MIB1: variants seen among roughly 807,000 people sequenced by gnomAD.
The protein encoded by MIB1 is MIB E3 ubiquitin protein ligase 1.
A neutral mutation model predicts 124.5 loss-of-function variants in MIB1; 278 were observed. The observed-to-expected ratio is 2.23, with a 90% confidence interval of 2.02 to 2.47. The LOEUF (loss-of-function observed/expected upper bound fraction) is 2.47, where lower values mean the gene tolerates loss of function less well. Among genes scored for constraint, MIB1 ranks in the 30% most tolerant of loss-of-function variants. The pLI is 0.00. For synonymous variants in MIB1, 446 were observed against 429.4 expected (o/e 1.04, Z -0.48); for missense variants, 957 against 1,254.4 (o/e 0.76, Z 3.58).
At chr18:21,795,415 T>TAA (rs1229689269) in intron 7 of MIB1, among the ~76,000 whole-genome samples, 1 of 146,204 alleles carries the variant, frequency 6.8e-6, no homozygotes, top group Non-Finnish European at 1.5e-5. Context: ...CACATATATA[T>TAA]AATATATAAT....
intron 12 of MIB1, among the ~76,000 whole-genome samples, chr18:21,824,679 A>C (rs375387967): frequency 1.3e-5 from 2 of 152,156 alleles, no homozygotes; most frequent in African/African-American, 4.8e-5. Flanking sequence ...CCTTTTGCCC[A>C]CAGTCTTTTA....
chr18:21,732,309 C>A (rs1346140375), intron 1 of MIB1, among the ~76,000 whole-genome samples: 9 of 150,658 alleles, frequency 6.0e-5, no homozygotes, highest in Non-Finnish European at 4.4e-5. Context: ...GCCTGGGCAA[C>A]AGCGTAAGCC....
chr18:21,780,964 A>G (rs1479837142), intron 6 of MIB1, among the ~76,000 whole-genome samples: 1 of 152,226 alleles, frequency 6.6e-6, no homozygotes, highest in African/African-American at 2.4e-5. Context: ...ACTGTTTCTC[A>G]TAGTGGCTGT....
chr18:21,791,307 T>C, intron 6 of MIB1, 67 bp from the exon 7 acceptor site: 1 of 1,347,224 alleles, frequency 7.4e-7, no homozygotes, highest in Non-Finnish European at 1.0e-6. Context: ...TGATCTTCAC[T>C]GTTTAAGAAT....
At chr18:21,804,391 T>C (rs1043756704) in intron 10 of MIB1, among the ~76,000 whole-genome samples, 23 of 152,254 alleles carry the variant, frequency 1.5e-4, no homozygotes, top group African/African-American at 5.3e-4. Context: ...TTTTTTGTTG[T>C]TGTTTTGTCA....
At chr18:21,818,182 G>C (rs2041847619) in intron 11 of MIB1, among the ~76,000 whole-genome samples, 1 of 152,116 alleles carries the variant, frequency 6.6e-6, no homozygotes, top group South Asian at 2.1e-4. Flanking sequence ...TTCATCTGTG[G>C]AGCTTTGAAA....
At chr18:21,855,950 G>T (rs1434302019) in intron 18 of MIB1, among the ~76,000 whole-genome samples, 1 of 152,198 alleles carries the variant, frequency 6.6e-6, no homozygotes, top group East Asian at 1.9e-4. Context: ...TCATAACAGG[G>T]CCGGGCGCGG....
intron 9 of MIB1, among the ~76,000 whole-genome samples, chr18:21,800,241 T>C: frequency 6.6e-6 from 1 of 152,004 alleles, no homozygotes; most frequent in Non-Finnish European, 1.5e-5. Flanking sequence ...TTTGGGAAAT[T>C]CAGCGATTTT....
chr18:21,771,335 T>A (rs961792892), intron 3 of MIB1, among the ~76,000 whole-genome samples: 1 of 152,220 alleles, frequency 6.6e-6, no homozygotes, highest in Admixed American at 6.5e-5. Context: ...TTAAAGTAAA[T>A]TTGATTTAAA....
chr18:21,741,577 G>A lies in MIB1; in HGVS notation c.-7G>A. 1 of 1,465,144 alleles carries A rather than the reference G, an allele frequency of 6.8e-7. No individual in the cohort carries two copies. 90.8% of individuals were successfully genotyped at this position (1,465,144 alleles called of 1,614,324 possible). Reference sequence around the variant, plus strand: ...CGGCAGCGGCGGAGCCCACCGCCCGGGCCCCGATGAGTAACTCCCGGAATA... The same window carrying A: ...CGGCAGCGGCGGAGCCCACCGCCCGAGCCCCGATGAGTAACTCCCGGAATA... On this transcript the variant is annotated 5_prime_UTR_variant, in exon 1 of 21. Transcript: ENST00000261537. This position sits in a 1 kb window ranked among gnomAD's most constrained non-coding sequence, Gnocchi z 5.4.
Position 21,741,848 on chromosome 18 carries a change from C to A in MIB1, c.229+36C>A, listed in dbSNP as rs746686390. ...GCCACCTGGCCAGGGCTTGCGCGCGCGGGGGGAAGGGGCGAGCTGCGGTGG... is the reference window on the plus strand; with the variant it reads ...GCCACCTGGCCAGGGCTTGCGCGCGAGGGGGGAAGGGGCGAGCTGCGGTGG... On this transcript the variant is annotated intron_variant, in intron 1 of 20. Coordinates refer to ENST00000261537, the MANE Select transcript of MIB1 (RefSeq NM_020774.4). The surrounding 1 kb of genome is among the most constrained non-coding windows in gnomAD (Gnocchi z 5.4). 6.6e-7 allele frequency: 1 copy of A among 1,520,152 alleles called. No homozygotes were observed. The highest frequency in any genetic ancestry group is 8.9e-7 in the Non-Finnish European group (1 of 1,129,010). The allele number at this position is 1,520,152 out of a possible 1,614,324, so 94.2% of individuals were successfully genotyped here.
rs1215788921 is a variant in MIB1, at chr18:21,815,731, C to T, written c.1595C>T (p.Thr532Ile). ...AATGCTCGAAACAAGCGCCGACAGACACCACTTCATATTGCTGTCAATAAA... is the reference window on the plus strand; with the variant it reads ...AATGCTCGAAACAAGCGCCGACAGATACCACTTCATATTGCTGTCAATAAA... The part of the protein sequence containing the change: ...DLNARNKRRQ[T>I]PLHIAVNKGH... Residue 532 changes from threonine (T) to isoleucine (I), a missense_variant, in exon 11 of 21, where the codon ACA becomes ATA. Thr to Ile is a moderately conservative substitution (Grantham distance 89, BLOSUM62 -1). Coordinates refer to ENST00000261537, the MANE Select transcript of MIB1 (RefSeq NM_020774.4). 1 of 1,614,030 alleles carries T rather than the reference C, an allele frequency of 6.2e-7. No individual in the cohort carries two copies. The highest frequency in any genetic ancestry group is 8.5e-7 in the Non-Finnish European group (1 of 1,180,020).
chr18:21,721,159 G>GTTTGTTTTTTTTTTTT, intron 1 of MIB1, among the ~76,000 whole-genome samples: 1 of 29,766 alleles, frequency 3.4e-5, no homozygotes, highest in Middle Eastern at 0.042. Context: ...TTTTAAAGAA[G>GTTTGTTTTTTTTTTTT]TTTTTTTTTT....
chr18:21,766,033 A>G (rs531985535), intron 2 of MIB1, 90 bp downstream of exon 2: 1 of 1,231,334 alleles, frequency 8.1e-7, no homozygotes, highest in Non-Finnish European at 1.2e-6. Context: ...ATTAGCAAAT[A>G]GCTTCTGACA....
chr18:21,777,416 CAAA>C (rs1479672162), intron 4 of MIB1, among the ~76,000 whole-genome samples: 1 of 151,994 alleles, frequency 6.6e-6, no homozygotes, highest in South Asian at 2.1e-4. Flanking sequence ...CACACACACA[CAAA>C]AAAGAATGTG....
At chr18:21,817,126 T>C (rs2065620819) in intron 11 of MIB1, among the ~76,000 whole-genome samples, 1 of 150,036 alleles carries the variant, frequency 6.7e-6, no homozygotes, top group East Asian at 2.0e-4. Context: ...AGATGGTAGA[T>C]GGTTGGATTG....
intron 4 of MIB1, 138 bp from the exon 5 acceptor site, chr18:21,777,965 T>G (rs1466192084): frequency 1.5e-5 from 9 of 607,858 alleles, no homozygotes. Flanking sequence ...TTGAAAGCAG[T>G]GTTTAGTGTG....
intron 6 of MIB1, among the ~76,000 whole-genome samples, chr18:21,787,684 T>C (rs1187442181): frequency 1.3e-5 from 2 of 152,028 alleles, no homozygotes; most frequent in Non-Finnish European, 2.9e-5. Context: ...TTTTCATGTC[T>C]CTGGCCCCAG....
rs2040853423 is a variant in MIB1 at position 21,741,652 on chromosome 18, C to T, written c.69C>T (p.Asp23=). 6.2e-7 allele frequency: 1 copy of T among 1,610,722 alleles called. No individual in the cohort carries two copies. Among genetic ancestry groups the T allele is most frequent in the East Asian group, 2.2e-5 (1 of 44,546 alleles). The part of the protein sequence containing the change: ...GVGARVVRGP[D]WKWGKQDGGE... ...GCGCTCGGGTAGTGCGCGGCCCGGA[C>T]TGGAAGTGGGGGAAGCAGGACGGCG... The change falls in exon 1 of 21, where the codon GAC becomes GAT. Residue 23 remains aspartate, a synonymous_variant. Coordinates refer to ENST00000261537, the MANE Select transcript of MIB1 (RefSeq NM_020774.4). This position sits in a 1 kb window ranked among gnomAD's most constrained non-coding sequence, Gnocchi z 5.4.
Sources: allele counts gnomAD v4.1 joint callset (sites outside exome capture counted in the v4.1 genomes callset), GRCh38; gene constraint gnomAD v4.1.1; non-coding constraint Gnocchi (gnomAD v3.1); transcripts MANE v1.5; gene names NCBI Gene and HGNC (gene_info 2026-07-23, HGNC 2026-07-21).